Variants in MINDY4 observed in about 807,000 individuals in gnomAD.
MINDY4 encodes MINDY lysine 48 deubiquitinase 4, also known as probable ubiquitin carboxyl-terminal hydrolase MINDY-4.
Under a neutral mutation model 87.0 loss-of-function variants are expected in MINDY4, and 68 were observed. That is an observed-to-expected ratio of 0.78 (90% CI 0.64 to 0.96). The LOEUF is 0.96. Among genes scored for constraint, MINDY4 ranks in the 40% least tolerant of loss-of-function variants. The pLI is 0.00. For synonymous variants in MINDY4, 379 were observed against 363.2 expected (o/e 1.04, Z -0.50); for missense variants, 919 against 928.2 (o/e 0.99, Z 0.13).
intron 12 of MINDY4, among the ~76,000 whole-genome samples, chr7:30,855,311 G>A (rs1032148113): frequency 4.6e-5 from 7 of 152,366 alleles, no homozygotes; most frequent in Admixed American, 2.6e-4. Flanking sequence ...TCTTCCAAAT[G>A]CAGTACTAGG....
intron 10 of MINDY4, among the ~76,000 whole-genome samples, chr7:30,850,837 C>G (rs1383893248): frequency 1.3e-5 from 2 of 152,158 alleles, no homozygotes; most frequent in East Asian, 3.9e-4. Context: ...CTGGGGTGAC[C>G]CCTCAGAGGA....
intron 17 of MINDY4, among the ~76,000 whole-genome samples, chr7:30,889,570 T>C (rs1279601904): frequency 2.0e-5 from 3 of 152,232 alleles, no homozygotes. Flanking sequence ...GTGTCTCTTA[T>C]TTGAGCAGTG....
Position 30,839,419 on chromosome 7 carries a change from C to A in MINDY4, c.1356+103C>A, listed in dbSNP as rs560656055. ...GTTAATCCTGTGAGCATTAGCTGAG[C>A]TATTCTGGACCAGCCAGCCCCACAT... On this transcript the variant is annotated intron_variant, in intron 8 of 17. Coordinates refer to ENST00000265299, the MANE Select transcript of MINDY4 (RefSeq NM_032222.3). The A allele has an allele frequency of 1.2e-4, 79 of 652,098 alleles. 1 individual carries two copies. In the African/African-American group the frequency reaches 1.2e-3, roughly 10 times the overall value. The allele number at this position is 652,098 out of a possible 1,614,324, so 40.4% of individuals were successfully genotyped here.
In MINDY4 at chr7:30,791,548, G is replaced by T. The variant is rs770545132; in HGVS notation, c.1047G>T (p.Arg349=). 3 of 1,613,130 alleles carry T rather than the reference G, an allele frequency of 1.9e-6. No individual in the cohort carries two copies. In the Admixed American group the frequency reaches 5.0e-5, roughly 27 times the overall value. The change falls in exon 5 of 18, where the codon CGG becomes CGT. Residue 349 remains arginine (R), a synonymous_variant. Transcript: ENST00000265299. ...TQERLERAFK[R]QGSQPAPVRK... Reference sequence around the variant, plus strand: ...AGAGGCTGGAAAGAGCGTTCAAACGGCAGGGCAGCCAGCCCGCACCTGTCA... The same window carrying T: ...AGAGGCTGGAAAGAGCGTTCAAACGTCAGGGCAGCCAGCCCGCACCTGTCA...
At chr7:30,860,326 C>G (rs556167393) in intron 13 of MINDY4, among the ~76,000 whole-genome samples, 1 of 152,136 alleles carries the variant, frequency 6.6e-6, no homozygotes, top group Non-Finnish European at 1.5e-5. Context: ...AGTGGGGGCT[C>G]TGTGGCCTCG....
intron 8 of MINDY4, 143 bp downstream of exon 8, chr7:30,839,459 C>T (rs1788966723): frequency 1.8e-6 from 1 of 555,314 alleles, no homozygotes; most frequent in Admixed American, 3.1e-5. Flanking sequence ...TGAGTTGTCA[C>T]TTGGTGCAGG....
intron 5 of MINDY4, among the ~76,000 whole-genome samples, chr7:30,807,925 C>T (rs9655308): frequency 0.35 from 52,840 of 152,098 alleles, 9,446 homozygotes; most frequent in Non-Finnish European, 0.37. Context: ...CTGAAGCTCC[C>T]GGCCAAATAA....
intron 4 of MINDY4, among the ~76,000 whole-genome samples, chr7:30,787,070 AAGAAG>A (rs909317271): frequency 3.3e-5 from 5 of 152,182 alleles, no homozygotes; most frequent in Non-Finnish European, 7.3e-5. Context: ...TTAGGATGGA[AAGAAG>A]TGAGTCCTCT....
intron 5 of MINDY4, among the ~76,000 whole-genome samples, chr7:30,793,941 A>G (rs1426369244): frequency 6.6e-6 from 1 of 152,162 alleles, no homozygotes; most frequent in African/African-American, 2.4e-5. Context: ...CAACCCAGCA[A>G]TTATTATCCC....
At chr7:30,833,265 A>T (rs1788760360) in intron 6 of MINDY4, among the ~76,000 whole-genome samples, 1 of 152,226 alleles carries the variant, frequency 6.6e-6, no homozygotes, top group South Asian at 2.1e-4. Context: ...TAGAGAACTC[A>T]CAGTTCCACG....
At chr7:30,874,240 A>G (rs1179100670) in intron 14 of MINDY4, among the ~76,000 whole-genome samples, 1 of 152,210 alleles carries the variant, frequency 6.6e-6, no homozygotes, top group East Asian at 1.9e-4. Context: ...GGCTCGCTCA[A>G]ATTCCTCCTC....
intron 13 of MINDY4, among the ~76,000 whole-genome samples, chr7:30,869,944 A>G (rs1393810893): frequency 6.6e-6 from 1 of 152,198 alleles, no homozygotes; most frequent in Non-Finnish European, 1.5e-5. Context: ...TCAGCTCTCC[A>G]GAGAATTCCC....
chr7:30,782,199 A>G lies in MINDY4; in HGVS notation c.406A>G (p.Thr136Ala), dbSNP rs1787025608. 4 of 1,611,512 alleles carry G rather than the reference A, an allele frequency of 2.5e-6. No homozygotes were observed. The highest frequency in any genetic ancestry group is 1.1e-5 in the South Asian group (1 of 90,574). The part of the protein sequence containing the change: ...DAGWRTSLSE[T>A]SKARHDNLDG... ...AGGATGGAGAACATCATTGTCAGAA[A>G]CAAGCAAAGCCAGGTATCTTTTCCC... is the stretch of plus-strand genomic sequence containing the variant. Residue 136 changes from threonine (T) to alanine (A), a missense_variant, in exon 3 of 18, where the codon ACA becomes GCA. Thr to Ala is a moderately conservative substitution (Grantham distance 58). Transcript: ENST00000265299.
intron 13 of MINDY4, among the ~76,000 whole-genome samples, chr7:30,859,744 C>T (rs978990944): frequency 2.8e-4 from 42 of 152,276 alleles, no homozygotes; most frequent in African/African-American, 9.6e-4. Flanking sequence ...GCCCTGCAGT[C>T]GCGTGGACAA....
At position 30,778,391 on chromosome 7, in the gene MINDY4, G is replaced by A; in HGVS notation, c.64-41G>A. ...GTGCTTTATGAGAACAGCGGGTTTT[G>A]ATTTAAGATGGTAAACAGCGATTCA... On this transcript the variant is annotated intron_variant, in intron 1 of 17. Coordinates refer to ENST00000265299, the MANE Select transcript of MINDY4 (RefSeq NM_032222.3). 1.2e-6 allele frequency: 2 copies of A among 1,613,628 alleles called. 1 individual carries two copies. The highest frequency in any genetic ancestry group is 2.7e-5 in the African/African-American group (2 of 75,034).
chr7:30,808,138 CG>C (rs1787869849), intron 5 of MINDY4, among the ~76,000 whole-genome samples: 1 of 152,154 alleles, frequency 6.6e-6, no homozygotes, highest in South Asian at 2.1e-4. Flanking sequence ...GCAACTGCCC[CG>C]GTGGAATGCC....
At chr7:30,783,249 A>G (rs1031865254) in intron 3 of MINDY4, among the ~76,000 whole-genome samples, 4 of 152,058 alleles carry the variant, frequency 2.6e-5, no homozygotes, top group East Asian at 1.9e-4. Context: ...ATTTTAAAGG[A>G]CATCACTCTA....
intron 4 of MINDY4, among the ~76,000 whole-genome samples, chr7:30,787,904 A>G (rs1456461156): frequency 6.6e-6 from 1 of 152,230 alleles, no homozygotes; most frequent in Non-Finnish European, 1.5e-5. Context: ...GCTATTTACT[A>G]TATTTGAAAT....
intron 5 of MINDY4, among the ~76,000 whole-genome samples, chr7:30,794,462 C>T (rs981268581): frequency 6.6e-6 from 1 of 152,052 alleles, no homozygotes; most frequent in African/African-American, 2.4e-5. Context: ...GGCCTCCAAA[C>T]ATCAGGTTCA....
Sources: allele counts gnomAD v4.1 joint callset (sites outside exome capture counted in the v4.1 genomes callset), GRCh38; gene constraint gnomAD v4.1.1; transcripts MANE v1.5; gene names NCBI Gene and HGNC (gene_info 2026-07-23, HGNC 2026-07-21).